SACM1L: variants seen among roughly 807,000 people sequenced by gnomAD.
SACM1L encodes SAC1 like phosphatidylinositide phosphatase, also known as phosphatidylinositol-3-phosphatase SAC1.
Under a neutral mutation model 89.5 loss-of-function variants are expected in SACM1L, and 32 were observed. That is an observed-to-expected ratio of 0.36 (90% CI 0.27 to 0.48). The LOEUF is 0.48. SACM1L is among the 20% of genes least tolerant of loss of function. The pLI is 0.99. For missense variants in SACM1L, 543 were observed against 708.5 expected, an observed-to-expected ratio of 0.77 and a Z score of 2.65; for synonymous variants, 213 against 232.8, an observed-to-expected ratio of 0.92 and a Z score of 0.77.
chr3:45,699,505 A>G (rs1698213886), intron 1 of SACM1L, among the ~76,000 whole-genome samples: 1 of 151,896 alleles, frequency 6.6e-6, no homozygotes, highest in Non-Finnish European at 1.5e-5. Context: ...TCCTAGAATT[A>G]AAAAGTGCCT....
chr3:45,717,889 C>G (rs535214745), intron 7 of SACM1L, among the ~76,000 whole-genome samples: 1 of 152,284 alleles, frequency 6.6e-6, no homozygotes. Context: ...GCACTCCAGC[C>G]TGGTTAGCAA....
chr3:45,737,979 T>C, intron 16 of SACM1L, 135 bp downstream of exon 16: 1 of 695,402 alleles, frequency 1.4e-6, no homozygotes, highest in Admixed American at 2.7e-5. Flanking sequence ...ACTTGAGACC[T>C]GTGGAGTCAG....
chr3:45,732,190 G>A (rs113107366), intron 13 of SACM1L, 39 bp downstream of exon 13: 2 of 1,213,524 alleles, frequency 1.6e-6, no homozygotes, highest in African/African-American at 1.5e-5. Context: ...AGAGGGAAGA[G>A]GTATATATAT....
chr3:45,706,423 G>A (rs1191988894), intron 3 of SACM1L, among the ~76,000 whole-genome samples: 2 of 152,156 alleles, frequency 1.3e-5, no homozygotes, highest in African/African-American at 4.8e-5. Context: ...GATGCTTTAA[G>A]CTGCCTGCTG....
chr3:45,727,455 T>A (rs1698947686), intron 11 of SACM1L, among the ~76,000 whole-genome samples: 1 of 152,178 alleles, frequency 6.6e-6, no homozygotes. Flanking sequence ...GAATATTTCA[T>A]GTGTACTTGT....
rs1458198291 is a variant in SACM1L, at chr3:45,727,174, C to T, written c.921+3631C>T. 1.8e-4 allele frequency among the ~76,000 whole-genome samples: 4 copies of T among 21,774 alleles called. 2 individuals are homozygous for T. Among genetic ancestry groups the T allele is most frequent in the Admixed American group, 1.5e-3 (4 of 2,610 alleles). The allele number at this position is 21,774 out of a possible 152,430, so 14.3% of individuals were successfully genotyped here. A position where few individuals can be genotyped will look rare whatever the true frequency, so the allele number is the denominator to read the frequency against. On this transcript the variant is annotated intron_variant, in intron 11 of 19. Transcript: ENST00000389061. The stretch of plus-strand genomic sequence containing the variant: ...TGCTGGGATTACAGGCGTGAGCCAC[C>T]GCGCCCGGCCGCTTTATTTCATACA...
At chr3:45,723,963 CAG>C (rs765171529) in intron 11 of SACM1L, among the ~76,000 whole-genome samples, 16 of 90,430 alleles carry the variant, frequency 1.8e-4, no homozygotes, top group African/African-American at 4.2e-4. Flanking sequence ...CACACACACA[CAG>C]ACACACACAC....
chr3:45,707,054 C>T, intron 4 of SACM1L, 147 bp downstream of exon 4: 1 of 594,394 alleles, frequency 1.7e-6, no homozygotes, highest in Non-Finnish European at 2.7e-6. Flanking sequence ...ACTTTTCTAC[C>T]TAGGCATAAA....
intron 16 of SACM1L, 84 bp downstream of exon 16, chr3:45,737,928 C>A: frequency 9.4e-7 from 1 of 1,063,382 alleles, no homozygotes; most frequent in Non-Finnish European, 1.4e-6. Context: ...AGCTTTCAGA[C>A]AGCAGCAGCA....
Position 45,732,686 on chromosome 3 carries a change from T to A in SACM1L, c.1100+535T>A, listed in dbSNP as rs190287041. Reference sequence around the variant, plus strand: ...GTTAAATTTATTTCTTTAAAAAAATTCTTCAGAGTAGGATTAATGGATCAA... The same window carrying A: ...GTTAAATTTATTTCTTTAAAAAAATACTTCAGAGTAGGATTAATGGATCAA... On this transcript the variant is annotated intron_variant, in intron 13 of 19. Coordinates refer to ENST00000389061, the MANE Select transcript of SACM1L (RefSeq NM_014016.5). 5.2e-3 allele frequency among the ~76,000 whole-genome samples: 785 copies of A among 152,342 alleles called. 6 individuals are homozygous for A. The highest frequency in any genetic ancestry group is 0.018 in the African/African-American group (745 of 41,568).
chr3:45,738,954 CGTT>C, intron 18 of SACM1L, 81 bp downstream of exon 18: 6 of 830,862 alleles, frequency 7.2e-6, no homozygotes. Flanking sequence ...CAATTTAAAA[CGTT>C]ATATGTGGTT....
At chr3:45,728,152 C>G (rs1367123456) in intron 11 of SACM1L, among the ~76,000 whole-genome samples, 1 of 152,038 alleles carries the variant, frequency 6.6e-6, no homozygotes, top group Admixed American at 6.6e-5. Context: ...TTTTTTCATC[C>G]TTTCTCTTTC....
Position 45,732,102 on chromosome 3 carries a change from C to T in SACM1L, c.1051C>T (p.Arg351Ter). Residue 351 changes from arginine (R) to a stop codon, truncating the protein, a stop_gained, in exon 13 of 20, where the codon CGA (arginine) becomes TGA (stop). Coordinates refer to ENST00000389061, the MANE Select transcript of SACM1L (RefSeq NM_014016.5). LOFTEE classifies it high-confidence loss of function. Reference sequence around the variant, plus strand: ...GGAATGTAAAAATATGAGATGGGATCGACTAAGTATTTTATTGGATCAGGT... The same window carrying T: ...GGAATGTAAAAATATGAGATGGGATTGACTAAGTATTTTATTGGATCAGGT... ...HKECKNMRWD[R>*]LSILLDQVAE... The T allele has an allele frequency of 6.2e-7, 1 of 1,603,412 alleles. No individual in the cohort carries two copies.
chr3:45,716,292 A>G (rs776277987), intron 7 of SACM1L, among the ~76,000 whole-genome samples: 44 of 152,266 alleles, frequency 2.9e-4, no homozygotes, highest in Non-Finnish European at 5.4e-4. Context: ...TGGAGAACAT[A>G]GTGAGACCCT....
Position 45,714,572 on chromosome 3 carries a change from G to A in SACM1L, c.577+493G>A, listed in dbSNP as rs145479854. ...GATGGCACCACTGCACTCCAGCCTG[G>A]GTGACAGGGTCAAAAAAAGTGAGAC... On this transcript the variant is annotated intron_variant, in intron 7 of 19. Transcript: ENST00000389061. Among the ~76,000 whole-genome samples, 1,384 of 152,160 alleles carry A rather than the reference G, an allele frequency of 9.1e-3. 9 individuals carry two copies. Among genetic ancestry groups the A allele is most frequent in the Non-Finnish European group, 0.015 (994 of 67,980 alleles).
chr3:45,710,969 A>C (rs977066239), intron 5 of SACM1L, among the ~76,000 whole-genome samples: 3 of 152,100 alleles, frequency 2.0e-5, no homozygotes, highest in African/African-American at 7.2e-5. Context: ...TGTACCAGGA[A>C]CTATACTAGC....
chr3:45,695,642 G>T (rs534603421), intron 1 of SACM1L, among the ~76,000 whole-genome samples: 2 of 152,312 alleles, frequency 1.3e-5, no homozygotes, highest in African/African-American at 4.8e-5. Flanking sequence ...ATGCAAAATA[G>T]TGGTTTCATT....
chr3:45,742,858 C>CTAGT lies in SACM1L; in HGVS notation c.1628-674_1628-671dup, dbSNP rs1337729697. ...ACCAGGTTGCCTAAGGAATGGTGAA[C>CTAGT]TAGTACAGGTTGGAAACAGCAGGAC... is the stretch of plus-strand genomic sequence containing the variant. On this transcript the variant is annotated intron_variant, in intron 19 of 19. Transcript: ENST00000389061. The CTAGT allele has an allele frequency of 3.9e-5, 6 of 152,220 alleles. No homozygotes were observed. In the East Asian group the frequency reaches 1.2e-3, roughly 29 times the overall value. The allele number at this position is 152,220 out of a possible 1,614,324, so 9.4% of individuals were successfully genotyped here.
intron 1 of SACM1L, among the ~76,000 whole-genome samples, chr3:45,699,233 GTAAC>G (rs1389213756): frequency 2.0e-5 from 3 of 151,648 alleles, no homozygotes; most frequent in Non-Finnish European, 4.4e-5. Flanking sequence ...GTATACATAT[GTAAC>G]TAACCTGCAC....
Sources: gnomAD v4.1 joint callset for allele counts (sites outside exome capture counted in the v4.1 genomes callset) on GRCh38, gnomAD v4.1.1 for gene constraint, MANE v1.5 for transcripts, NCBI Gene and HGNC (gene_info 2026-07-23, HGNC 2026-07-21) for gene names.